The following GRIK2 variants were observed in gnomAD, a reference collection of about 807,000 sequenced individuals.
The protein encoded by GRIK2 is glutamate ionotropic receptor kainate type subunit 2.
A neutral mutation model predicts 100.3 loss-of-function variants in GRIK2; 32 were observed. The ratio of observed to expected loss-of-function variants is 0.32; its 90% CI spans 0.24 to 0.43. The LOEUF is 0.43. GRIK2 is among the 20% of genes least tolerant of loss of function. The pLI, the probability that GRIK2 is intolerant of heterozygous loss-of-function variation, is 1.00. For missense variants in GRIK2, 843 were observed against 1,114.9 expected, an observed-to-expected ratio of 0.76 and a Z score of 3.47; for synonymous variants, 417 against 389.4, an observed-to-expected ratio of 1.07 and a Z score of -0.83.
chr6:101,898,612 T>C (rs1296029903), intron 12 of GRIK2, among the ~76,000 whole-genome samples: 1 of 151,546 alleles, frequency 6.6e-6, no homozygotes, highest in East Asian at 1.9e-4. Context: ...GTAGATTTGC[T>C]TTATAAAGCT....
rs140351066 is a variant in GRIK2, at chr6:101,774,236, G to A, written c.952-25412G>A. Among the ~76,000 whole-genome samples, 736 of 152,138 alleles carry A rather than the reference G, an allele frequency of 4.8e-3. 1 individual carries two copies. The highest frequency in any genetic ancestry group is 7.1e-3 in the Non-Finnish European group (480 of 67,988). The stretch of plus-strand genomic sequence containing the variant: ...AAAAAAATCACAGTCTGTTAACACC[G>A]TAAAAATCTATTTTAATTCATCATA... On this transcript the variant is annotated intron_variant, in intron 7 of 16. Transcript: ENST00000369134.
rs531638128 is a variant in GRIK2 at position 101,594,846 on chromosome 6, A to G, written c.116-27103A>G. Among the ~76,000 whole-genome samples the G allele has an allele frequency of 6.1e-4, 93 of 151,838 alleles. 1 individual carries two copies. Among genetic ancestry groups the G allele is most frequent in the Middle Eastern group, 6.8e-3 (2 of 294 alleles). The stretch of plus-strand genomic sequence containing the variant: ...GCAGATAGGGCGGTGAATTACAGGG[A>G]ATCAGAATTGGTGAGACATCTTTTT... On this transcript the variant is annotated intron_variant, in intron 2 of 16. Coordinates refer to ENST00000369134, the MANE Select transcript of GRIK2 (RefSeq NM_021956.5).
intron 6 of GRIK2, among the ~76,000 whole-genome samples, chr6:101,683,708 A>G (rs1771458126): frequency 6.6e-6 from 1 of 152,232 alleles, no homozygotes; most frequent in Non-Finnish European, 1.5e-5. Flanking sequence ...TGTTCTATGT[A>G]ATATTTATGA....
At chr6:101,969,378 C>T (rs973941356) in intron 14 of GRIK2, among the ~76,000 whole-genome samples, 1 of 151,700 alleles carries the variant, frequency 6.6e-6, no homozygotes, top group Non-Finnish European at 1.5e-5. Context: ...AATATTTGTT[C>T]TATAGCCTGT....
At chr6:101,972,976 G>T (rs1196627134) in intron 14 of GRIK2, among the ~76,000 whole-genome samples, 1 of 151,920 alleles carries the variant, frequency 6.6e-6, no homozygotes, top group African/African-American at 2.4e-5. Flanking sequence ...AAGCCAGGTA[G>T]TGTGATGCCT....
chr6:102,022,277 A>C (rs1769469795), intron 14 of GRIK2, among the ~76,000 whole-genome samples: 1 of 151,618 alleles, frequency 6.6e-6, no homozygotes, highest in African/African-American at 2.4e-5. Flanking sequence ...CACAGTTGTT[A>C]ATGAATTAAA....
intron 7 of GRIK2, among the ~76,000 whole-genome samples, chr6:101,700,469 A>G (rs1252477026): frequency 6.6e-6 from 1 of 152,078 alleles, no homozygotes; most frequent in Non-Finnish European, 1.5e-5. Flanking sequence ...AGATGTTAGA[A>G]CAGGAGAGTG....
Position 101,622,073 on chromosome 6 carries a change from C to T in GRIK2, c.240C>T (p.Thr80=). The part of the protein sequence containing the change: ...LLPNTTLTYD[T]QKINLYDSFE... ...CCAATACTACCCTTACCTATGATAC[C>T]CAGAAGATAAACCTTTATGATAGTT... The change falls in exon 3 of 17, where the codon ACC becomes ACT. Residue 80 remains threonine (T), a synonymous_variant. Coordinates refer to ENST00000369134, the MANE Select transcript of GRIK2 (RefSeq NM_021956.5). 1 of 1,602,270 alleles carries T rather than the reference C, an allele frequency of 6.2e-7. No homozygotes were observed. The highest frequency in any genetic ancestry group is 8.6e-7 in the Non-Finnish European group (1 of 1,169,584).
At chr6:102,057,015 A>G (rs1037652899) in intron 16 of GRIK2, among the ~76,000 whole-genome samples, 1 of 151,978 alleles carries the variant, frequency 6.6e-6, no homozygotes, top group African/African-American at 2.4e-5. Context: ...TACACTTTTT[A>G]TGTTATAATC....
intron 15 of GRIK2, among the ~76,000 whole-genome samples, chr6:102,042,239 A>AGAT (rs1357076513): frequency 6.6e-6 from 1 of 151,672 alleles, no homozygotes; most frequent in Non-Finnish European, 1.5e-5. Flanking sequence ...ACAGAGCTCA[A>AGAT]GATATACTAG....
intron 5 of GRIK2, among the ~76,000 whole-genome samples, chr6:101,677,723 G>C (rs1770942990): frequency 6.6e-6 from 1 of 152,056 alleles, no homozygotes; most frequent in African/African-American, 2.4e-5. Flanking sequence ...CAGTCATTTA[G>C]AAACCTCTCA....
rs1399833234 is a variant in GRIK2, at chr6:101,462,692, TA to T, written c.115+63303del. 2.6e-5 allele frequency among the ~76,000 whole-genome samples: 4 copies of T among 152,190 alleles called. No individual in the cohort carries two copies. In the East Asian group the frequency reaches 5.8e-4, roughly 22 times the overall value. Reference sequence around the variant, plus strand: ...AAATTTTTAGAGAATGTAGCCCAAGTAAACTGCGAATGAAGAAATGAGAGAT... The same window carrying T: ...AAATTTTTAGAGAATGTAGCCCAAGTAACTGCGAATGAAGAAATGAGAGAT... On this transcript the variant is annotated intron_variant, in intron 2 of 16. Coordinates refer to ENST00000369134, the MANE Select transcript of GRIK2 (RefSeq NM_021956.5).
At chr6:101,416,181 C>T (rs1406294893) in intron 2 of GRIK2, among the ~76,000 whole-genome samples, 1 of 152,168 alleles carries the variant, frequency 6.6e-6, no homozygotes, top group Non-Finnish European at 1.5e-5. Context: ...CACAAAGGGC[C>T]AGTTTGTCAA....
At chr6:101,904,767 G>T (rs1007286225) in intron 12 of GRIK2, among the ~76,000 whole-genome samples, 1 of 151,446 alleles carries the variant, frequency 6.6e-6, no homozygotes. Flanking sequence ...TGGTAAAGGA[G>T]AAAGTATGTT....
At chr6:101,918,641 A>G (rs1288828023) in intron 12 of GRIK2, among the ~76,000 whole-genome samples, 1 of 151,766 alleles carries the variant, frequency 6.6e-6, no homozygotes, top group African/African-American at 2.4e-5. Context: ...TTAGAAATAA[A>G]TATTCAGCTC....
intron 7 of GRIK2, among the ~76,000 whole-genome samples, chr6:101,793,351 G>A (rs189708519): frequency 6.6e-6 from 1 of 152,048 alleles, no homozygotes; most frequent in Admixed American, 6.5e-5. Context: ...ATCTACTTTT[G>A]GTCTTTGATG....
intron 11 of GRIK2, among the ~76,000 whole-genome samples, chr6:101,867,778 A>G (rs1785147820): frequency 6.6e-6 from 1 of 151,202 alleles, no homozygotes. Context: ...TTTAAATTTA[A>G]ATTTTTTTTT....
chr6:101,418,490 A>T (rs1776261220), intron 2 of GRIK2, among the ~76,000 whole-genome samples: 1 of 152,132 alleles, frequency 6.6e-6, no homozygotes, highest in Non-Finnish European at 1.5e-5. Flanking sequence ...TGCTCTACAG[A>T]CGTCAAAGAC....
intron 7 of GRIK2, among the ~76,000 whole-genome samples, chr6:101,723,225 T>C (rs1383492900): frequency 1.3e-5 from 2 of 151,818 alleles, no homozygotes; most frequent in Non-Finnish European, 2.9e-5. Flanking sequence ...AAGATTTATC[T>C]TTTTTTTCTC....
Sources: allele counts gnomAD v4.1 joint callset (sites outside exome capture counted in the v4.1 genomes callset), GRCh38; gene constraint gnomAD v4.1.1; transcripts MANE v1.5; gene names NCBI Gene and HGNC (gene_info 2026-07-23, HGNC 2026-07-21).